Variants in NWD1 observed in about 807,000 individuals in gnomAD.
The protein encoded by NWD1 is NACHT and WD repeat domain containing 1, also known as NACHT domain- and WD repeat-containing protein 1.
NWD1 carries 129 observed loss-of-function variants against 135.1 expected under a neutral mutation model. The observed-to-expected ratio is 0.96, with a 90% CI of 0.83 to 1.11. The LOEUF (loss-of-function observed/expected upper bound fraction) is 1.11. Ranked by LOEUF, NWD1 falls within the 50% of genes least tolerant of loss-of-function variation. NWD1 has a pLI of 0.00. For synonymous variants in NWD1, 773 were observed against 786.0 expected (o/e 0.98, Z 0.28); for missense variants, 1,740 against 1,851.3 (o/e 0.94, Z 1.10).
chr19:16,723,229 C>T (rs80023464), intron 1 of NWD1, among the ~76,000 whole-genome samples: 16 of 152,096 alleles, frequency 1.1e-4, no homozygotes, highest in South Asian at 2.1e-4. Context: ...GATAGGGTCT[C>T]GCTCTGTTGT....
At chr19:16,740,113 G>GT (rs925142034) in intron 4 of NWD1, among the ~76,000 whole-genome samples, 35 of 151,110 alleles carry the variant, frequency 2.3e-4, no homozygotes, top group Non-Finnish European at 4.4e-4. Flanking sequence ...CCTGGGCAAC[G>GT]TAACAAGGCC....
chr19:16,815,097 T>C lies in NWD1; in HGVS notation c.*58T>C, dbSNP rs763016140. On this transcript the variant is annotated 3_prime_UTR_variant, in exon 19 of 19. Coordinates refer to ENST00000524140, the MANE Select transcript of NWD1 (RefSeq NM_001007525.5). ...ATCATCCCAACCACCAGTGGCTTCATTGCCCCCACCAGGCATGGTTATCTG... is the reference window on the plus strand; with the variant it reads ...ATCATCCCAACCACCAGTGGCTTCACTGCCCCCACCAGGCATGGTTATCTG... 4 of 1,547,356 alleles carry C rather than the reference T, an allele frequency of 2.6e-6. No homozygotes were observed. The highest frequency in any genetic ancestry group is 1.7e-5 in the Admixed American group (1 of 59,908).
rs900699898 is a variant in NWD1 at position 16,794,635 on chromosome 19, A to G, written c.3304+82A>G. On this transcript the variant is annotated intron_variant, in intron 15 of 18. Transcript: ENST00000524140. ...AAGGGGGTGGGGCTTGGGAACAGAG[A>G]GAAGTCCTAGGGCCAGAGGTTAGCA... 5.8e-5 allele frequency: 57 copies of G among 975,558 alleles called. No individual in the cohort carries two copies. In the African/African-American group the frequency reaches 8.1e-4, roughly 14 times the overall value. The allele number at this position is 975,558 out of a possible 1,614,324, so 60.4% of individuals were successfully genotyped here.
intron 10 of NWD1, among the ~76,000 whole-genome samples, chr19:16,766,032 A>AG (rs1555725055): frequency 0.012 from 1,804 of 144,438 alleles, 11 homozygotes; most frequent in Non-Finnish European, 0.019. Flanking sequence ...AAAAAAAAAA[A>AG]AAAGAAAGAA....
At chr19:16,783,515 T>A (rs1969933251) in intron 12 of NWD1, among the ~76,000 whole-genome samples, 1 of 151,930 alleles carries the variant, frequency 6.6e-6, no homozygotes, top group South Asian at 2.1e-4. Context: ...ATACCTGTAA[T>A]CCCAGCTACT....
chr19:16,800,505 T>G lies in NWD1; in HGVS notation c.3736+343T>G, dbSNP rs377341838. On this transcript the variant is annotated intron_variant, in intron 17 of 18. Transcript: ENST00000524140. ...GGGATCCTGACTCTGCACTCCGGCC[T>G]GGGCGACAGAGTGAGACTCTGTCCC... 3.9e-5 allele frequency among the ~76,000 whole-genome samples: 6 copies of G among 152,280 alleles called. No individual in the cohort carries two copies. In the South Asian group the frequency reaches 1.2e-3, roughly 32 times the overall value.
chr19:16,807,719 G>A lies in NWD1; in HGVS notation c.3870G>A (p.Val1290=), dbSNP rs565441516. The A allele has an allele frequency of 6.2e-7, 1 of 1,613,870 alleles. No individual in the cohort carries two copies. Among genetic ancestry groups the A allele is most frequent in the Admixed American group, 1.7e-5 (1 of 59,986 alleles). ...LVFPLNSRQD[V]ICIPPPEARK... is the part of the protein sequence containing the mutation. ...TCCCCCTGAATTCCAGGCAGGACGT[G>A]ATATGCATTCCCCCTCCCGAGGCCC... Residue 1290 remains valine (V), a synonymous_variant, in exon 18 of 19, where the codon GTG becomes GTA. Transcript: ENST00000524140.
At chr19:16,738,328 G>T in intron 4 of NWD1, 1 of 365,004 alleles carries the variant, frequency 2.7e-6, no homozygotes, top group South Asian at 1.9e-5. Context: ...CTGCATTTTG[G>T]GAGGCTGAGG....
Position 16,763,874 on chromosome 19 carries a change from G to T in NWD1, c.2180G>T (p.Arg727Leu), listed in dbSNP as rs756540559. Residue 727 changes from arginine to leucine, a missense_variant, in exon 9 of 19, where the codon CGG becomes CTG. Arg to Leu is a moderately radical substitution (Grantham distance 102, BLOSUM62 -2). Transcript: ENST00000524140. Reference protein sequence around the residue: ...LWFSHTVANLRKLKELPYHLL... With the variant: ...LWFSHTVANLLKLKELPYHLL... The stretch of plus-strand genomic sequence containing the variant: ...TTCTCACATACGGTTGCAAACCTGC[G>T]GAAGCTGAAGGAGTTGCCCTATCAC... 1.5e-5 allele frequency: 25 copies of T among 1,613,994 alleles called. No individual in the cohort carries two copies. Among genetic ancestry groups the T allele is most frequent in the Non-Finnish European group, 2.1e-5 (25 of 1,179,946 alleles).
rs1410979894 is a variant in NWD1 at position 16,731,179 on chromosome 19, C to T, written c.-6-13C>T. 1 of 1,449,810 alleles carries T rather than the reference C, an allele frequency of 6.9e-7. No homozygotes were observed. The highest frequency in any genetic ancestry group is 2.0e-5 in the Admixed American group (1 of 50,654). 89.8% of individuals were successfully genotyped at this position (1,449,810 alleles called of 1,614,324 possible). On this transcript the variant is annotated splice_polypyrimidine_tract_variant and intron_variant, in intron 2 of 18. Coordinates refer to ENST00000524140, the MANE Select transcript of NWD1 (RefSeq NM_001007525.5). Reference sequence around the variant, plus strand: ...GTCCTTTCCACTAATACCCTCCATGCCCTTCCTTGCAGATATGGATGCAGA... The same window carrying T: ...GTCCTTTCCACTAATACCCTCCATGTCCTTCCTTGCAGATATGGATGCAGA...
intron 6 of NWD1, among the ~76,000 whole-genome samples, chr19:16,754,811 C>CATCCATCT (rs1968725620): frequency 6.6e-6 from 1 of 151,866 alleles, no homozygotes; most frequent in African/African-American, 2.4e-5. Context: ...TCCATCCATC[C>CATCCATCT]ATCCATCCAC....
chr19:16,735,866 G>GAGGA (rs372042757), intron 3 of NWD1, among the ~76,000 whole-genome samples: 197 of 28,570 alleles, frequency 6.9e-3, no homozygotes, highest in Middle Eastern at 0.042. Context: ...AGGAAGGAAG[G>GAGGA]AGGAAGGAAG....
rs187289165 is a variant in NWD1, at chr19:16,791,839, C to T, written c.3213+217C>T. On this transcript the variant is annotated intron_variant, in intron 14 of 18. Coordinates refer to ENST00000524140, the MANE Select transcript of NWD1 (RefSeq NM_001007525.5). ...AGCGATTCTCACTGCCTCAGCCTTCCGAGTAGCTGGGATTACAGGCAAGTG... is the reference window on the plus strand; with the variant it reads ...AGCGATTCTCACTGCCTCAGCCTTCTGAGTAGCTGGGATTACAGGCAAGTG... Among the ~76,000 whole-genome samples, 73 of 152,254 alleles carry T rather than the reference C, an allele frequency of 4.8e-4. 1 individual carries two copies. The highest frequency in any genetic ancestry group is 1.5e-3 in the African/African-American group (63 of 41,554).
Position 16,797,716 on chromosome 19 carries a change from G to A in NWD1, c.3305-16G>A, listed in dbSNP as rs565889851. ...TCTGGACATGAGAGGTGTAACCCCA[G>A]TTCCTGCCGTTTCAGGCTTTGGAAG... On this transcript the variant is annotated splice_polypyrimidine_tract_variant and intron_variant, in intron 15 of 18. Coordinates refer to ENST00000524140, the MANE Select transcript of NWD1 (RefSeq NM_001007525.5). 5.3e-5 allele frequency: 85 copies of A among 1,611,814 alleles called. No homozygotes were observed. The highest frequency in any genetic ancestry group is 6.6e-5 in the Non-Finnish European group (78 of 1,178,744).
chr19:16,816,955 A>C lies in NWD1; in HGVS notation c.*1916A>C, dbSNP rs975631729. On this transcript the variant is annotated 3_prime_UTR_variant, in exon 19 of 19. Coordinates refer to ENST00000524140, the MANE Select transcript of NWD1 (RefSeq NM_001007525.5). ...GCTTCTAAGGTGTTGAAGATTACTA[A>C]GGTTGGTGCAAAAAGTAACTGTGGT... The C allele has an allele frequency of 3.5e-4, 53 of 152,178 alleles. No homozygotes were observed. Among genetic ancestry groups the C allele is most frequent in the African/African-American group, 1.3e-3 (52 of 41,446 alleles). The allele number at this position is 152,178 out of a possible 1,614,324, so 9.4% of individuals were successfully genotyped here. A position where few individuals can be genotyped will look rare whatever the true frequency, so the allele number is the denominator to read the frequency against.
intron 1 of NWD1, among the ~76,000 whole-genome samples, chr19:16,722,091 C>T (rs1202779703): frequency 6.6e-6 from 1 of 151,016 alleles, no homozygotes; most frequent in African/African-American, 2.4e-5. Flanking sequence ...CTAATCTGGG[C>T]AATGGAGTGA....
At chr19:16,781,202 G>A (rs1250397444) in intron 12 of NWD1, among the ~76,000 whole-genome samples, 2 of 152,170 alleles carry the variant, frequency 1.3e-5, no homozygotes. Context: ...GACTAGGATG[G>A]AAAACTATTC....
intron 4 of NWD1, among the ~76,000 whole-genome samples, chr19:16,739,440 C>A (rs893877158): frequency 2.0e-5 from 3 of 151,888 alleles, no homozygotes; most frequent in Admixed American, 1.3e-4. Context: ...TTGCAGGCAG[C>A]CAAAAGCACA....
At chr19:16,790,070 C>A (rs1970189593) in intron 13 of NWD1, among the ~76,000 whole-genome samples, 2 of 152,096 alleles carry the variant, frequency 1.3e-5, no homozygotes, top group Admixed American at 1.3e-4. Flanking sequence ...AATGTCTGTT[C>A]CACTGTGTTA....
Sources: gnomAD v4.1 joint callset for allele counts (sites outside exome capture counted in the v4.1 genomes callset) on GRCh38, gnomAD v4.1.1 for gene constraint, MANE v1.5 for transcripts, NCBI Gene and HGNC (gene_info 2026-07-23, HGNC 2026-07-21) for gene names.